EDEM3: variants seen among roughly 807,000 people sequenced by gnomAD.
EDEM3 encodes the protein ER degradation enhancing alpha-mannosidase like protein 3.
EDEM3 carries 60 observed loss-of-function variants against 110.2 expected under a neutral mutation model. The ratio of observed to expected loss-of-function variants is 0.54; its 90% CI spans 0.44 to 0.67. The LOEUF (loss-of-function observed/expected upper bound fraction) is 0.67. Among genes scored for constraint, EDEM3 ranks in the 30% least tolerant of loss-of-function variants. The pLI is 0.00. For synonymous variants in EDEM3, 352 were observed against 382.9 expected, an observed-to-expected ratio of 0.92 and a Z score of 0.94; for missense variants, 996 against 1,121.0, an observed-to-expected ratio of 0.89 and a Z score of 1.59.
rs888824888 is a variant in EDEM3 at position 184,754,719 on chromosome 1, G to A, written c.-73C>T. On this transcript the variant is annotated 5_prime_UTR_variant, in exon 1 of 20. Coordinates refer to ENST00000318130, the MANE Select transcript of EDEM3 (RefSeq NM_025191.4). ...ACACATTGCTGGACGCTGGTGGCCA[G>A]GGGGCTGCTAGCCGTGCCGAGACGG... 3 of 1,443,316 alleles carry A rather than the reference G, an allele frequency of 2.1e-6. No homozygotes were observed. Among genetic ancestry groups the A allele is most frequent in the Admixed American group, 2.8e-5 (1 of 35,810 alleles). The allele number at this position is 1,443,316 out of a possible 1,614,324, so 89.4% of individuals were successfully genotyped here. A position where few individuals can be genotyped will look rare whatever the true frequency, so the allele number is the denominator to read the frequency against.
At chr1:184,702,382 T>C (rs757323489) in intron 19 of EDEM3, among the ~76,000 whole-genome samples, 8 of 152,204 alleles carry the variant, frequency 5.3e-5, no homozygotes, top group Admixed American at 4.6e-4. Flanking sequence ...CATTTGATTA[T>C]AGGTGGCCTG....
intron 6 of EDEM3, among the ~76,000 whole-genome samples, chr1:184,729,729 T>C (rs928631924): frequency 8.5e-5 from 13 of 152,178 alleles, no homozygotes; most frequent in African/African-American, 3.1e-4. Context: ...TGTCCTATTA[T>C]AAAAAATCAT....
chr1:184,718,007 G>T (rs570045313), intron 11 of EDEM3, among the ~76,000 whole-genome samples: 2 of 151,526 alleles, frequency 1.3e-5, no homozygotes, highest in East Asian at 3.9e-4. Context: ...TTTTTAAATC[G>T]ACAAATAAAA....
intron 15 of EDEM3, among the ~76,000 whole-genome samples, chr1:184,711,398 C>A (rs1403451857): frequency 1.3e-5 from 2 of 152,018 alleles, no homozygotes; most frequent in Non-Finnish European, 2.9e-5. Flanking sequence ...TCATGCCTGG[C>A]CAGAAAATAT....
At chr1:184,720,938 G>T in intron 9 of EDEM3, 1 of 190,654 alleles carries the variant, frequency 5.2e-6, no homozygotes, top group Non-Finnish European at 1.1e-5. Flanking sequence ...AAACTTCCAA[G>T]ATTTCAAAAA....
At position 184,734,471 on chromosome 1, in the gene EDEM3, A is replaced by T. The variant is rs1172237064; in HGVS notation, c.458+60T>A. On this transcript the variant is annotated intron_variant, in intron 5 of 19. Transcript: ENST00000318130. ...GACTGAGCAAGACTCTGTCTCAAAA[A>T]ATATATATAAATAAATAAAAATAAA... The T allele has an allele frequency of 2.2e-5, 15 of 672,028 alleles. No individual in the cohort carries two copies. In the Admixed American group the frequency reaches 5.1e-4, roughly 23 times the overall value. The allele number at this position is 672,028 out of a possible 1,614,324, so 41.6% of individuals were successfully genotyped here.
At chr1:184,697,081 C>T (rs913258711) in intron 19 of EDEM3, among the ~76,000 whole-genome samples, 1 of 151,546 alleles carries the variant, frequency 6.6e-6, no homozygotes. Context: ...ATGCAAATAC[C>T]AATAACTCCT....
At chr1:184,745,420 C>A (rs1404063491) in intron 2 of EDEM3, among the ~76,000 whole-genome samples, 1 of 151,894 alleles carries the variant, frequency 6.6e-6, no homozygotes, top group East Asian at 1.9e-4. Context: ...ATGAATGAAC[C>A]ATTAAAGAGA....
intron 5 of EDEM3, among the ~76,000 whole-genome samples, chr1:184,733,462 A>G (rs1053806113): frequency 6.6e-6 from 1 of 152,228 alleles, no homozygotes; most frequent in African/African-American, 2.4e-5. Context: ...AGGAGTTACA[A>G]TAACATTTAA....
chr1:184,704,521 C>T (rs1037393055), intron 18 of EDEM3, among the ~76,000 whole-genome samples: 4 of 150,896 alleles, frequency 2.7e-5, no homozygotes, highest in Non-Finnish European at 4.4e-5. Context: ...CTTGGTGGCA[C>T]GTGCCTGTAA....
In EDEM3 at chr1:184,754,449, C is replaced by T; in HGVS notation, c.158+40G>A. On this transcript the variant is annotated intron_variant, in intron 1 of 19. Transcript: ENST00000318130. ...TGACAGGCACCCCTCCTGTTGTCAG[C>T]CTCACCGAGAAACCCACCCCAGGCT... The T allele has an allele frequency of 3.7e-6, 6 of 1,611,714 alleles. No homozygotes were observed. In the Middle Eastern group the frequency reaches 8.3e-4, roughly 222 times the overall value.
chr1:184,697,473 C>T (rs1417190285), intron 19 of EDEM3, among the ~76,000 whole-genome samples: 1 of 151,656 alleles, frequency 6.6e-6, no homozygotes, highest in African/African-American at 2.4e-5. Flanking sequence ...ATAAAATATA[C>T]TCAAAACAGC....
chr1:184,717,015 A>C lies in EDEM3; in HGVS notation c.1246-3T>G. 1 of 1,600,002 alleles carries C rather than the reference A, an allele frequency of 6.2e-7. No homozygotes were observed. Among genetic ancestry groups the C allele is most frequent in the Non-Finnish European group, 8.6e-7 (1 of 1,169,110 alleles). On this transcript the variant is annotated splice_region_variant and splice_polypyrimidine_tract_variant and intron_variant, in intron 12 of 19. Coordinates refer to ENST00000318130, the MANE Select transcript of EDEM3 (RefSeq NM_025191.4). ...AGGTAGTAAGGATCTCCTGTAGCCT[A>C]TTAAAAAGGAGAATATATGTATAAT...
At chr1:184,753,147 C>A (rs1225940283) in intron 1 of EDEM3, among the ~76,000 whole-genome samples, 2 of 152,100 alleles carry the variant, frequency 1.3e-5, no homozygotes, top group East Asian at 3.8e-4. Flanking sequence ...TTCCACCACC[C>A]CTCCAGCCTA....
At position 184,692,090 on chromosome 1, in the gene EDEM3, G is replaced by C. The variant is rs1469679799; in HGVS notation, c.*1973C>G. On this transcript the variant is annotated 3_prime_UTR_variant, in exon 20 of 20. Coordinates refer to ENST00000318130, the MANE Select transcript of EDEM3 (RefSeq NM_025191.4). Reference sequence around the variant, plus strand: ...ACAAAATCAAATCCATGTATATAAGGCTTCTGTAATCGATGTCTTAGAGGA... The same window carrying C: ...ACAAAATCAAATCCATGTATATAAGCCTTCTGTAATCGATGTCTTAGAGGA... 4 of 152,044 alleles carry C rather than the reference G, an allele frequency of 2.6e-5. No homozygotes were observed. Among genetic ancestry groups the C allele is most frequent in the Admixed American group, 1.3e-4 (2 of 15,240 alleles). 9.4% of individuals were successfully genotyped at this position (152,044 alleles called of 1,614,324 possible).
chr1:184,754,543 G>T lies in EDEM3; in HGVS notation c.104C>A (p.Ser35Tyr), dbSNP rs755507094. ...GGGCTCGGCCCCCGCCGTCCACACG[G>T]AGGTGGCCGACACCAGGCAGAACGC... Reference protein sequence around the residue: ...TAAFCLVSATSVWTAGAEPMS... With the variant: ...TAAFCLVSATYVWTAGAEPMS... The change falls in exon 1 of 20, where the codon TCC becomes TAC. Residue 35 changes from serine to tyrosine, a missense_variant. Transcript: ENST00000318130. The T allele has an allele frequency of 6.2e-7, 1 of 1,613,022 alleles. No individual in the cohort carries two copies. Among genetic ancestry groups the T allele is most frequent in the South Asian group, 1.1e-5 (1 of 91,076 alleles).
intron 2 of EDEM3, among the ~76,000 whole-genome samples, chr1:184,747,168 T>TAA (rs146554571): frequency 6.6e-6 from 1 of 151,636 alleles, no homozygotes; most frequent in African/African-American, 2.4e-5. Flanking sequence ...TCCTGTTCTT[T>TAA]AAAAAAAAAT....
intron 6 of EDEM3, among the ~76,000 whole-genome samples, chr1:184,729,248 TGA>T (rs1318435578): frequency 6.6e-6 from 1 of 152,214 alleles, no homozygotes; most frequent in African/African-American, 2.4e-5. Flanking sequence ...TCTGTGTTCC[TGA>T]GAGTCACAAG....
chr1:184,711,559 C>A (rs1558048778), intron 15 of EDEM3, among the ~76,000 whole-genome samples, 164 bp downstream of exon 15: 1 of 152,090 alleles, frequency 6.6e-6, no homozygotes, highest in Non-Finnish European at 1.5e-5. Context: ...GCTTTACTAT[C>A]TAACTTTACT....
Sources: allele counts gnomAD v4.1 joint callset (sites outside exome capture counted in the v4.1 genomes callset), GRCh38; gene constraint gnomAD v4.1.1; transcripts MANE v1.5; gene names NCBI Gene and HGNC (gene_info 2026-07-23, HGNC 2026-07-21).